Variants in MREG observed in about 807,000 individuals in gnomAD.
MREG encodes the protein dilute suppressor protein homolog.
A neutral mutation model predicts 28.5 loss-of-function variants in MREG; 31 were observed. The ratio of observed to expected loss-of-function variants is 1.09; its 90% CI spans 0.82 to 1.47. MREG has a LOEUF of 1.47. Ranked by LOEUF, MREG falls within the 40% of genes most tolerant of loss-of-function variation. The pLI, the probability that MREG is intolerant of heterozygous loss-of-function variation, is 0.00. For missense variants in MREG, 256 were observed against 257.4 expected (o/e 0.99, Z 0.04); for synonymous variants, 106 against 95.2 (o/e 1.11, Z -0.66).
In MREG at chr2:216,030,883, T is replaced by C. The variant is rs540743203; in HGVS notation, c.-68+1906A>G. ...TTTAATTAATTCTGTGGGCAATTTA[T>C]TTCGGCATTCCAATTTGAACACACA... On this transcript the variant is annotated intron_variant, in intron 1 of 3. Transcript: ENST00000420348. 1.8e-4 allele frequency among the ~76,000 whole-genome samples: 27 copies of C among 151,642 alleles called. No individual in the cohort carries two copies. The East Asian group carries it at 4.9e-3, about 27-fold the overall frequency.
intron 1 of MREG, among the ~76,000 whole-genome samples, chr2:216,026,811 T>C (rs2105932309): frequency 6.6e-6 from 1 of 152,320 alleles, no homozygotes; most frequent in Admixed American, 6.5e-5. Context: ...AGAACCTTAA[T>C]TTTTTAATAA....
chr2:215,982,796 A>G (rs1329822580), intron 2 of MREG, among the ~76,000 whole-genome samples: 1 of 152,162 alleles, frequency 6.6e-6, no homozygotes, highest in Non-Finnish European at 1.5e-5. Context: ...ACTTCCTCCA[A>G]CACTTTGTAC....
upstream of MREG, among the ~76,000 whole-genome samples, chr2:216,016,663 T>G (rs945726563): frequency 6.6e-6 from 1 of 152,194 alleles, no homozygotes; most frequent in African/African-American, 2.4e-5. Flanking sequence ...CCTGAAGAAA[T>G]ATCAGAATTC....
At chr2:216,012,819 A>T (rs1694348308) in intron 1 of MREG, among the ~76,000 whole-genome samples, 1 of 152,202 alleles carries the variant, frequency 6.6e-6, no homozygotes, top group Non-Finnish European at 1.5e-5. Flanking sequence ...ATTGAATGAG[A>T]AATAGACAAC....
chr2:216,033,074 T>C (rs571736549), upstream of MREG: 3 of 152,330 alleles, frequency 2.0e-5, no homozygotes, highest in South Asian at 6.2e-4. Context: ...CACCTTTTAG[T>C]TGGGGAACTT....
At chr2:216,013,016 T>C (rs1485673805) in intron 1 of MREG, among the ~76,000 whole-genome samples, 1 of 152,212 alleles carries the variant, frequency 6.6e-6, no homozygotes, top group Non-Finnish European at 1.5e-5. Context: ...CAGCTGGGTC[T>C]CAGGTGTCTC....
At chr2:216,010,780 C>A (rs1376343141) in intron 1 of MREG, among the ~76,000 whole-genome samples, 3 of 151,742 alleles carry the variant, frequency 2.0e-5, no homozygotes, top group Non-Finnish European at 4.4e-5. Flanking sequence ...AACCAAAAGT[C>A]ACTCACTATT....
downstream of MREG, among the ~76,000 whole-genome samples, chr2:215,941,464 C>G (rs542215286): frequency 1.3e-5 from 2 of 152,244 alleles, no homozygotes; most frequent in South Asian, 4.1e-4. Context: ...TGAAGTATCA[C>G]TGTCAGCTTG....
intron 2 of MREG, among the ~76,000 whole-genome samples, chr2:215,992,409 T>C (rs548012054): frequency 1.1e-4 from 16 of 152,106 alleles, no homozygotes; most frequent in African/African-American, 3.9e-4. Context: ...AAATAATTGA[T>C]GGAACGTATC....
intron 2 of MREG, among the ~76,000 whole-genome samples, chr2:215,972,046 T>C (rs1277834097): frequency 6.6e-6 from 1 of 152,108 alleles, no homozygotes; most frequent in South Asian, 2.1e-4. Context: ...CTCTAGACCA[T>C]TCAGTCCTTG....
intron 2 of MREG, among the ~76,000 whole-genome samples, chr2:215,979,467 AAATAATAAT>A (rs201080423): frequency 0.041 from 5,405 of 132,440 alleles, 200 homozygotes; most frequent in East Asian, 0.1. Flanking sequence ...CCATCTCAAA[AAATAATAAT>A]AATAATAATA....
chr2:215,980,937 C>T (rs980269556), intron 2 of MREG, among the ~76,000 whole-genome samples: 5 of 148,902 alleles, frequency 3.4e-5, no homozygotes, highest in African/African-American at 7.5e-5. Flanking sequence ...GGGAAGGGAA[C>T]GGAAGAGAAG....
chr2:215,962,758 C>T (rs372660930), intron 2 of MREG, among the ~76,000 whole-genome samples: 1 of 150,454 alleles, frequency 6.6e-6, no homozygotes, highest in South Asian at 2.1e-4. Context: ...CCAATAGCCA[C>T]ACGTGGCTAC....
intron 2 of MREG, among the ~76,000 whole-genome samples, chr2:215,958,458 A>AAG (rs1175683811): frequency 6.6e-6 from 1 of 152,158 alleles, no homozygotes. Context: ...TGCCAAACCC[A>AAG]AGAGAAAAAG....
In MREG at chr2:215,975,808, G is replaced by A. The variant is rs561985059; in HGVS notation, c.255+20498C>T. ...GACAGTCAAGAAGTCTCATAGGGCC[G>A]GGCGCCGTGGCTCACACCTGTAATC... is the stretch of plus-strand genomic sequence containing the variant. On this transcript the variant is annotated intron_variant, in intron 2 of 4. Coordinates refer to ENST00000263268, the MANE Select transcript of MREG (RefSeq NM_018000.3). Among the ~76,000 whole-genome samples the A allele has an allele frequency of 9.5e-4, 144 of 152,270 alleles. 1 individual carries two copies. Among genetic ancestry groups the A allele is most frequent in the African/African-American group, 3.3e-3 (136 of 41,554 alleles).
At chr2:215,997,900 G>A (rs11676895) in intron 1 of MREG, among the ~76,000 whole-genome samples, 102,346 of 152,118 alleles carry the variant, frequency 0.67, 34,524 homozygotes, top group African/African-American at 0.68. Context: ...ACAGGAAGCA[G>A]AGTGCCAGTC....
At chr2:215,961,156 C>T (rs1692775297) in intron 2 of MREG, among the ~76,000 whole-genome samples, 1 of 152,216 alleles carries the variant, frequency 6.6e-6, no homozygotes, top group South Asian at 2.1e-4. Flanking sequence ...AGGCCTGTGC[C>T]CAGCGGTCTG....
chr2:215,997,784 G>A (rs1019847006), intron 1 of MREG, among the ~76,000 whole-genome samples: 1 of 152,162 alleles, frequency 6.6e-6, no homozygotes, highest in Non-Finnish European at 1.5e-5. Flanking sequence ...GAACAGAGTT[G>A]CAGGCAGAGG....
At chr2:216,028,298 G>T (rs1250898986) in intron 1 of MREG, among the ~76,000 whole-genome samples, 1 of 152,016 alleles carries the variant, frequency 6.6e-6, no homozygotes, top group Admixed American at 6.6e-5. Context: ...GATGGATCAC[G>T]AGGTCAGGAG....
Sources: allele counts gnomAD v4.1 joint callset (sites outside exome capture counted in the v4.1 genomes callset), GRCh38; gene constraint gnomAD v4.1.1; transcripts MANE v1.5; gene names NCBI Gene and HGNC (gene_info 2026-07-23, HGNC 2026-07-21).